The following BLTP3B variants were observed in gnomAD, a reference collection of about 807,000 sequenced individuals.
BLTP3B encodes bridge-like lipid transfer protein family member 3B, also known as UHRF1 (ICBP90) binding protein 1-like.
the BLTP3B span, among the ~76,000 whole-genome samples, chr12:100,129,776 T>C: frequency 4.6e-5 from 7 of 151,914 alleles, no homozygotes; most frequent in Non-Finnish European, 1.0e-4. Flanking sequence ...AAAACATGGG[T>C]GGAAAAAAAG....
At chr12:100,107,902 A>AT in the BLTP3B span, among the ~76,000 whole-genome samples, 8 of 151,780 alleles carry the variant, frequency 5.3e-5, no homozygotes, top group African/African-American at 1.9e-4. Context: ...ATGTTGGGCT[A>AT]TTTTTTTATT....
chr12:100,111,277 ATTTTTT>A, the BLTP3B span, among the ~76,000 whole-genome samples: 5 of 94,768 alleles, frequency 5.3e-5, no homozygotes, highest in East Asian at 7.4e-4. Flanking sequence ...GGGGTTTTAG[ATTTTTT>A]TTTTTTTTTT....
chr12:100,086,375 G>GA, the BLTP3B span: 1 of 675,186 alleles, frequency 1.5e-6, no homozygotes, highest in African/African-American at 2.0e-5. Flanking sequence ...AAAAAAAAGG[G>GA]GGGGGGGGAA....
the BLTP3B span, among the ~76,000 whole-genome samples, chr12:100,110,286 A>G: frequency 1.3e-5 from 2 of 152,212 alleles, no homozygotes; most frequent in Non-Finnish European, 2.9e-5. Context: ...ATCTGAATTC[A>G]TATCTTCTCA....
chr12:100,064,431 C>T, the BLTP3B span, among the ~76,000 whole-genome samples: 32 of 152,126 alleles, frequency 2.1e-4, no homozygotes, highest in Admixed American at 1.9e-3. Context: ...ACAAGAAGCA[C>T]AAAGAACACC....
chr12:100,060,085 G>A, the BLTP3B span: 2 of 1,430,154 alleles, frequency 1.4e-6, no homozygotes, highest in South Asian at 3.0e-5. Context: ...TAATTGGATG[G>A]TTCTAAATCT....
chr12:100,117,697 C>T, the BLTP3B span, among the ~76,000 whole-genome samples: 16 of 152,000 alleles, frequency 1.1e-4, no homozygotes, highest in African/African-American at 3.1e-4. Context: ...GATGGGGTCT[C>T]GCTGTGTTGC....
chr12:100,142,551 G>T, the BLTP3B span: 1 of 1,598,840 alleles, frequency 6.3e-7, no homozygotes, highest in Non-Finnish European at 8.5e-7. Context: ...TGCGGGCTGG[G>T]GTGGAGGCCG....
At chr12:100,081,431 T>C in the BLTP3B span, among the ~76,000 whole-genome samples, 2 of 152,274 alleles carry the variant, frequency 1.3e-5, no homozygotes, top group East Asian at 3.9e-4. Context: ...ACTTTTGCTT[T>C]AGTTCAGGGG....
chr12:100,093,781 T>C, the BLTP3B span, among the ~76,000 whole-genome samples: 3 of 152,080 alleles, frequency 2.0e-5, no homozygotes, highest in Non-Finnish European at 4.4e-5. Flanking sequence ...ACTTGGAAAA[T>C]TGTAATATAT....
chr12:100,104,364 C>T, the BLTP3B span, among the ~76,000 whole-genome samples: 1 of 151,592 alleles, frequency 6.6e-6, no homozygotes, highest in Non-Finnish European at 1.5e-5. Context: ...CCACCACGCC[C>T]GGCTAATTTT....
chr12:100,037,299 T>C, the BLTP3B span: 1 of 1,012,582 alleles, frequency 9.9e-7, no homozygotes, highest in African/African-American at 1.7e-5. Flanking sequence ...GTTTTCCTTT[T>C]ACATTTTAAA....
chr12:100,059,976 T>C, the BLTP3B span: 50 of 1,613,030 alleles, frequency 3.1e-5, no homozygotes, highest in Non-Finnish European at 4.1e-5. Flanking sequence ...GATTTAACCA[T>C]AGAATGCTTC....
chr12:100,072,620 A>G, the BLTP3B span: 19 of 1,389,490 alleles, frequency 1.4e-5, no homozygotes, highest in Admixed American at 5.5e-5. Context: ...TATTAACAAG[A>G]AAAAAATACT....
the BLTP3B span, among the ~76,000 whole-genome samples, chr12:100,041,853 A>G: frequency 2.0e-5 from 3 of 152,180 alleles, no homozygotes; most frequent in Admixed American, 6.5e-5. Flanking sequence ...TCTACTAAAC[A>G]TGATCTTGCG....
the BLTP3B span, among the ~76,000 whole-genome samples, chr12:100,068,303 G>T: frequency 6.6e-6 from 1 of 152,200 alleles, no homozygotes. Context: ...ATATGTGGGA[G>T]AATGAAACTG....
chr12:100,056,324 G>A, the BLTP3B span, among the ~76,000 whole-genome samples: 1 of 152,128 alleles, frequency 6.6e-6, no homozygotes, highest in Non-Finnish European at 1.5e-5. Context: ...AGAACTGTGA[G>A]AAATAAATTT....
chr12:100,130,974 AGAGGGAGGGAGAG>A, the BLTP3B span, among the ~76,000 whole-genome samples: 1 of 100,564 alleles, frequency 9.9e-6, no homozygotes, highest in Non-Finnish European at 1.8e-5. Context: ...AGAGAGAGAG[AGAGGGAGGGAGAG>A]AGAGAGAGAG....
chr12:100,129,304 T>C, the BLTP3B span, among the ~76,000 whole-genome samples: 1 of 152,206 alleles, frequency 6.6e-6, no homozygotes, highest in African/African-American at 2.4e-5. Flanking sequence ...AAGCTTTTAA[T>C]CTAAATTTTC....
Sources: allele counts gnomAD v4.1 joint callset (sites outside exome capture counted in the v4.1 genomes callset), GRCh38; gene constraint gnomAD v4.1.1; transcripts MANE v1.5; gene names NCBI Gene and HGNC (gene_info 2026-07-23, HGNC 2026-07-21).